Variants in GPM6A observed in about 807,000 individuals in gnomAD.
GPM6A encodes glycoprotein M6A, also known as neuronal membrane glycoprotein M6-a.
A neutral mutation model predicts 32.1 loss-of-function variants in GPM6A; 7 were observed. That is an observed-to-expected ratio of 0.22 (90% CI 0.12 to 0.41). GPM6A has a LOEUF of 0.41. Among genes scored for constraint, GPM6A ranks in the 10% least tolerant of loss-of-function variants. The probability of loss-of-function intolerance (pLI) is 1.00; values close to 1 mark genes in which losing one functional copy is unlikely to be tolerated. For synonymous variants in GPM6A, 130 were observed against 123.4 expected (o/e 1.05, Z -0.35); for missense variants, 235 against 347.2 (o/e 0.68, Z 2.57).
intron 1 of GPM6A, among the ~76,000 whole-genome samples, chr4:175,748,865 G>A (rs1420534897): frequency 1.3e-5 from 2 of 152,186 alleles, no homozygotes; most frequent in African/African-American, 4.8e-5. Flanking sequence ...CTCCATCAAT[G>A]TTCTTAGCTA....
chr4:175,678,648 A>G (rs1460849969), intron 2 of GPM6A, among the ~76,000 whole-genome samples: 1 of 152,154 alleles, frequency 6.6e-6, no homozygotes, highest in African/African-American at 2.4e-5. Flanking sequence ...GCAGAAATCT[A>G]TTTGTCAAAG....
chr4:175,834,875 G>A (rs906879002), intron 1 of GPM6A, among the ~76,000 whole-genome samples: 1 of 152,162 alleles, frequency 6.6e-6, no homozygotes, highest in African/African-American at 2.4e-5. Flanking sequence ...ACTGGTAAGT[G>A]TATTTCTTTT....
chr4:175,779,269 T>A (rs986225286), intron 1 of GPM6A, among the ~76,000 whole-genome samples: 5 of 152,206 alleles, frequency 3.3e-5, no homozygotes, highest in Admixed American at 1.3e-4. Flanking sequence ...TTTATGAATA[T>A]CATCTGACCA....
chr4:175,930,947 T>C (rs1304806422), intron 1 of GPM6A, among the ~76,000 whole-genome samples: 4 of 152,124 alleles, frequency 2.6e-5, no homozygotes, highest in Admixed American at 2.6e-4. Flanking sequence ...TTATCCATTA[T>C]TAGGATTTGC....
intron 1 of GPM6A, among the ~76,000 whole-genome samples, chr4:175,808,238 T>C (rs894436888): frequency 3.9e-5 from 6 of 152,160 alleles, no homozygotes; most frequent in African/African-American, 1.4e-4. Context: ...AGCTGTACTG[T>C]ATATTAAATA....
chr4:175,715,966 G>T (rs1745821708), intron 1 of GPM6A, among the ~76,000 whole-genome samples: 1 of 152,176 alleles, frequency 6.6e-6, no homozygotes, highest in South Asian at 2.1e-4. Context: ...GTGGGAGGCT[G>T]AGGCAGGAGA....
intron 1 of GPM6A, among the ~76,000 whole-genome samples, chr4:175,920,070 C>T (rs1738616964): frequency 1.3e-5 from 2 of 152,252 alleles, no homozygotes; most frequent in South Asian, 4.1e-4. Context: ...GGTGATGGAG[C>T]TTGGCTTACG....
chr4:175,791,073 T>C (rs1474960000), intron 1 of GPM6A, among the ~76,000 whole-genome samples: 1 of 152,182 alleles, frequency 6.6e-6, no homozygotes, highest in Non-Finnish European at 1.5e-5. Context: ...TTTTCCTATG[T>C]CTTTTGGACT....
intron 1 of GPM6A, among the ~76,000 whole-genome samples, chr4:175,898,034 A>G (rs1737848805): frequency 6.6e-6 from 1 of 152,224 alleles, no homozygotes; most frequent in Admixed American, 6.5e-5. Flanking sequence ...ACCTTAAATC[A>G]GAATTATACC....
rs544050928 is a variant in GPM6A at position 175,871,447 on chromosome 4, G to A, written c.-22-59198C>T. The stretch of plus-strand genomic sequence containing the variant: ...ATTGCACCACTGCACTCCAGCCTGG[G>A]CGACAGAGTAAGACTCCATCTCAAA... On this transcript the variant is annotated intron_variant, in intron 1 of 7. Transcript: ENST00000280187. Among the ~76,000 whole-genome samples, 261 of 152,126 alleles carry A rather than the reference G, an allele frequency of 1.7e-3. 1 individual carries two copies. Among genetic ancestry groups the A allele is most frequent in the African/African-American group, 6.0e-3 (249 of 41,504 alleles).
At chr4:175,978,753 A>T (rs1007158881) in intron 1 of GPM6A, among the ~76,000 whole-genome samples, 1 of 152,212 alleles carries the variant, frequency 6.6e-6, no homozygotes, top group African/African-American at 2.4e-5. Context: ...TCTGAGTTTT[A>T]ATCTGAATCA....
intron 3 of GPM6A, among the ~76,000 whole-genome samples, chr4:175,664,262 T>C (rs1317503703): frequency 2.6e-5 from 4 of 152,120 alleles, no homozygotes; most frequent in Non-Finnish European, 4.4e-5. Flanking sequence ...CTGTAATGGT[T>C]GATACACAAC....
intron 1 of GPM6A, among the ~76,000 whole-genome samples, chr4:175,741,839 T>C (rs1403643512): frequency 6.6e-6 from 1 of 152,136 alleles, no homozygotes; most frequent in East Asian, 1.9e-4. Flanking sequence ...GGATGTCTTA[T>C]AATTATTGTA....
chr4:175,644,298 A>G (rs1313576099), intron 4 of GPM6A, among the ~76,000 whole-genome samples: 1 of 151,762 alleles, frequency 6.6e-6, no homozygotes, highest in Non-Finnish European at 1.5e-5. Flanking sequence ...TTGCCCCGGT[A>G]TCTTACTCTG....
intron 1 of GPM6A, among the ~76,000 whole-genome samples, chr4:175,857,189 T>G (rs542159923): frequency 6.6e-6 from 1 of 152,302 alleles, no homozygotes; most frequent in African/African-American, 2.4e-5. Flanking sequence ...ATGTAATTGA[T>G]TCAATAAACA....
At chr4:175,930,426 G>GT (rs1242401253) in intron 1 of GPM6A, among the ~76,000 whole-genome samples, 1 of 74,244 alleles carries the variant, frequency 1.3e-5, no homozygotes, top group Non-Finnish European at 3.5e-5. Flanking sequence ...TCTGTTTTTT[G>GT]GGGGGGGGTT....
intron 1 of GPM6A, among the ~76,000 whole-genome samples, chr4:175,831,920 C>T (rs755874094): frequency 2.6e-5 from 4 of 151,688 alleles, no homozygotes; most frequent in Admixed American, 6.6e-5. Context: ...GATTTCACCA[C>T]GTTGACCAGG....
intron 1 of GPM6A, among the ~76,000 whole-genome samples, chr4:175,751,396 G>T (rs553587670): frequency 6.6e-6 from 1 of 152,178 alleles, no homozygotes; most frequent in South Asian, 2.1e-4. Context: ...TTTTCCCAAG[G>T]ATACTGTAGG....
rs548415381 is a variant in GPM6A, at chr4:175,842,604, A to T, written c.-22-30355T>A. ...AACATGGTGACACACACCTCCAGCCACCCTGAAGGCTGAGCCTAGGAGTTC... is the reference window on the plus strand; with the variant it reads ...AACATGGTGACACACACCTCCAGCCTCCCTGAAGGCTGAGCCTAGGAGTTC... On this transcript the variant is annotated intron_variant, in intron 1 of 7. Coordinates refer to the GPM6A transcript ENST00000280187. Among the ~76,000 whole-genome samples, 3 of 152,240 alleles carry T rather than the reference A, an allele frequency of 2.0e-5. No homozygotes were observed. In the South Asian group the frequency reaches 6.2e-4, roughly 31 times the overall value.
Sources: gnomAD v4.1 joint callset for allele counts (sites outside exome capture counted in the v4.1 genomes callset) on GRCh38, gnomAD v4.1.1 for gene constraint, MANE v1.5 for transcripts, NCBI Gene and HGNC (gene_info 2026-07-23, HGNC 2026-07-21) for gene names.